The following REDIC1 variants were observed in gnomAD, a reference collection of about 807,000 sequenced individuals.
The protein encoded by REDIC1 is HEI10 Interacting Protein 1.
chr12:39,770,099 T>C, the REDIC1 span, among the ~76,000 whole-genome samples: 147,973 of 152,180 alleles, frequency 0.97, 71,942 homozygotes, highest in East Asian at 1. Flanking sequence ...GCTTTTTAAA[T>C]TGCCTCTTCC....
At chr12:39,668,279 C>T in the REDIC1 span, among the ~76,000 whole-genome samples, 4 of 152,076 alleles carry the variant, frequency 2.6e-5, no homozygotes, top group African/African-American at 7.2e-5. Flanking sequence ...CAAAATCTCT[C>T]AGCATTTGCT....
chr12:39,873,777 GAA>G, the REDIC1 span, among the ~76,000 whole-genome samples: 1 of 151,990 alleles, frequency 6.6e-6, no homozygotes, highest in East Asian at 1.9e-4. Flanking sequence ...TATTTAAAAT[GAA>G]AAAAAGTTCC....
chr12:39,628,942 G>A, the REDIC1 span, among the ~76,000 whole-genome samples: 1 of 152,148 alleles, frequency 6.6e-6, no homozygotes, highest in Non-Finnish European at 1.5e-5. Flanking sequence ...CTAGTAAATG[G>A]CAGAGTTAGG....
chr12:39,826,933 C>T, the REDIC1 span, among the ~76,000 whole-genome samples: 1 of 131,186 alleles, frequency 7.6e-6, no homozygotes, highest in Non-Finnish European at 1.5e-5. Flanking sequence ...GCTTCCTTGC[C>T]TCCAATAATT....
At chr12:39,818,504 C>A in the REDIC1 span, among the ~76,000 whole-genome samples, 1 of 152,136 alleles carries the variant, frequency 6.6e-6, no homozygotes, top group African/African-American at 2.4e-5. Context: ...CTTTGTTTAA[C>A]TCTAACTTTA....
the REDIC1 span, among the ~76,000 whole-genome samples, chr12:39,896,450 G>GTGTGTATATATGTATACATATATGTATA: frequency 3.2e-4 from 36 of 112,858 alleles, 1 homozygote; most frequent in Admixed American, 1.6e-3. Flanking sequence ...ATATGTATAT[G>GTGTGTATATATGTATACATATATGTATA]TGTGTATATA....
the REDIC1 span, among the ~76,000 whole-genome samples, chr12:39,838,443 T>G: frequency 6.7e-6 from 1 of 148,678 alleles, no homozygotes; most frequent in South Asian, 2.1e-4. Context: ...TATACATATG[T>G]AACTAACCTG....
the REDIC1 span, among the ~76,000 whole-genome samples, chr12:39,635,693 A>C: frequency 6.6e-6 from 1 of 152,060 alleles, no homozygotes; most frequent in African/African-American, 2.4e-5. Context: ...ACCTAATGTA[A>C]ATGATGAGTT....
At chr12:39,746,230 C>G in the REDIC1 span, among the ~76,000 whole-genome samples, 1 of 152,136 alleles carries the variant, frequency 6.6e-6, no homozygotes, top group African/African-American at 2.4e-5. Flanking sequence ...TCAGGTCACT[C>G]CCACCCTAAT....
At chr12:39,766,821 T>C in the REDIC1 span, among the ~76,000 whole-genome samples, 1 of 152,222 alleles carries the variant, frequency 6.6e-6, no homozygotes, top group East Asian at 1.9e-4. Flanking sequence ...GTTCAAGTTT[T>C]ATCATGAGAT....
chr12:39,822,662 C>T, the REDIC1 span, among the ~76,000 whole-genome samples: 1 of 152,136 alleles, frequency 6.6e-6, no homozygotes, highest in Non-Finnish European at 1.5e-5. Flanking sequence ...GGCTTTTATC[C>T]TTATAATAAA....
chr12:39,719,605 C>A, the REDIC1 span, among the ~76,000 whole-genome samples: 4 of 151,786 alleles, frequency 2.6e-5, no homozygotes, highest in Non-Finnish European at 5.9e-5. Context: ...TGGAGTGAGA[C>A]CCTGTCTCAA....
the REDIC1 span, among the ~76,000 whole-genome samples, chr12:39,770,409 A>G: frequency 5.3e-5 from 8 of 152,126 alleles, no homozygotes; most frequent in African/African-American, 1.9e-4. Context: ...TCAAATCGTG[A>G]CTCTACCACT....
At chr12:39,838,560 G>A in the REDIC1 span, among the ~76,000 whole-genome samples, 1 of 148,302 alleles carries the variant, frequency 6.7e-6, no homozygotes, top group South Asian at 2.1e-4. Context: ...AAGGGGAAAA[G>A]TAAGTATTCA....
the REDIC1 span, among the ~76,000 whole-genome samples, chr12:39,868,454 T>C: frequency 6.6e-6 from 1 of 152,222 alleles, no homozygotes; most frequent in Non-Finnish European, 1.5e-5. Context: ...TCTCACACTT[T>C]GTGTGCATAA....
the REDIC1 span, among the ~76,000 whole-genome samples, chr12:39,718,319 G>A: frequency 2.4e-4 from 37 of 152,026 alleles, no homozygotes; most frequent in Admixed American, 2.0e-3. Flanking sequence ...TGATGCCTTC[G>A]GTGTTGAACT....
chr12:39,902,335 TATA>T, the REDIC1 span, among the ~76,000 whole-genome samples: 28 of 151,728 alleles, frequency 1.8e-4, no homozygotes, highest in East Asian at 7.7e-4. Flanking sequence ...AAAATTAAAG[TATA>T]ATAATAATAA....
At chr12:39,630,666 A>G in the REDIC1 span, among the ~76,000 whole-genome samples, 1 of 152,200 alleles carries the variant, frequency 6.6e-6, no homozygotes, top group Non-Finnish European at 1.5e-5. Context: ...ATAGTAGAAC[A>G]TAGGATAGGT....
chr12:39,841,028 G>A, the REDIC1 span, among the ~76,000 whole-genome samples: 1 of 151,938 alleles, frequency 6.6e-6, no homozygotes, highest in Non-Finnish European at 1.5e-5. Flanking sequence ...TACAATTCAC[G>A]GCTCTCAGAC....
Sources: allele counts gnomAD v4.1 joint callset (sites outside exome capture counted in the v4.1 genomes callset), GRCh38; gene constraint gnomAD v4.1.1; transcripts MANE v1.5; gene names NCBI Gene and HGNC (gene_info 2026-07-23, HGNC 2026-07-21).